SEMA3A: variants seen among roughly 807,000 people sequenced by gnomAD.
The protein encoded by SEMA3A is semaphorin 3A, also known as semaphorin-3A.
Under a neutral mutation model 97.9 loss-of-function variants are expected in SEMA3A, and 29 were observed. The ratio of observed to expected loss-of-function variants is 0.30; its 90% CI spans 0.22 to 0.40. SEMA3A has a LOEUF of 0.40. Among genes scored for constraint, SEMA3A ranks in the 10% least tolerant of loss-of-function variants. The pLI is 1.00. For missense variants in SEMA3A, 763 were observed against 951.3 expected (o/e 0.80, Z 2.60); for synonymous variants, 321 against 323.7 (o/e 0.99, Z 0.09).
rs112997989 is a variant in SEMA3A, at chr7:84,302,372, A to C, written c.-83+4835T>G. Among the ~76,000 whole-genome samples, 5 of 152,334 alleles carry C rather than the reference A, an allele frequency of 3.3e-5. 1 individual carries two copies. Among genetic ancestry groups the C allele is most frequent in the African/African-American group, 1.2e-4 (5 of 41,576 alleles). ...AAAATAGATGAAGTTTGTTTCATCT[A>C]AATTATTCCTCAATAAAGTTAATGA... On this transcript the variant is annotated intron_variant, in intron 3 of 3. Transcript: ENST00000424555.
At chr7:84,303,090 G>T (rs1218572185) in intron 3 of SEMA3A, among the ~76,000 whole-genome samples, 1 of 152,148 alleles carries the variant, frequency 6.6e-6, no homozygotes, top group Non-Finnish European at 1.5e-5. Context: ...TTTCAAAGAG[G>T]TAGGTGACAT....
intron 9 of SEMA3A, 60 bp downstream of exon 9, chr7:84,010,962 G>T: frequency 1.8e-5 from 23 of 1,279,696 alleles, no homozygotes; most frequent in Non-Finnish European, 2.5e-5. Flanking sequence ...CAAATTATGA[G>T]TACTTGGATA....
At chr7:84,093,385 TG>T (rs1794654889) in intron 4 of SEMA3A, among the ~76,000 whole-genome samples, 1 of 152,156 alleles carries the variant, frequency 6.6e-6, no homozygotes, top group African/African-American at 2.4e-5. Flanking sequence ...ACATACATAA[TG>T]GTAGACTACA....
intron 1 of SEMA3A, among the ~76,000 whole-genome samples, chr7:84,392,230 A>G (rs1803599424): frequency 1.3e-5 from 2 of 152,108 alleles, no homozygotes; most frequent in Admixed American, 1.3e-4. Flanking sequence ...TACACCTTTG[A>G]TTATCATCTC....
intron 1 of SEMA3A, among the ~76,000 whole-genome samples, chr7:84,405,300 G>C (rs1355622690): frequency 1.3e-5 from 2 of 152,136 alleles, no homozygotes; most frequent in African/African-American, 4.8e-5. Context: ...GACAAAGAAG[G>C]CCATTACATA....
intron 1 of SEMA3A, among the ~76,000 whole-genome samples, chr7:84,382,382 CAGGCG>C (rs1803282919): frequency 6.6e-6 from 1 of 151,556 alleles, no homozygotes; most frequent in African/African-American, 2.4e-5. Context: ...ACTGGGGTTA[CAGGCG>C]TGAGCCACTG....
At chr7:84,056,620 G>T (rs1243121712) in intron 5 of SEMA3A, among the ~76,000 whole-genome samples, 1 of 150,324 alleles carries the variant, frequency 6.7e-6, no homozygotes, top group Non-Finnish European at 1.5e-5. Context: ...CACACACACA[G>T]AAACACACAC....
intron 1 of SEMA3A, among the ~76,000 whole-genome samples, chr7:84,477,024 T>C (rs1232024800): frequency 6.8e-6 from 1 of 147,556 alleles, no homozygotes; most frequent in Non-Finnish European, 1.5e-5. Flanking sequence ...CTCTGTAGAG[T>C]AAAAAGCAGT....
chr7:84,006,652 C>T (rs1345984458), intron 10 of SEMA3A, among the ~76,000 whole-genome samples: 1 of 152,092 alleles, frequency 6.6e-6, no homozygotes, highest in Non-Finnish European at 1.5e-5. Flanking sequence ...CAATCTCTTG[C>T]TTTTAGTCTT....
chr7:84,284,118 A>G (rs1044124029), intron 3 of SEMA3A, among the ~76,000 whole-genome samples: 3 of 152,280 alleles, frequency 2.0e-5, no homozygotes, highest in Non-Finnish European at 2.9e-5. Flanking sequence ...AGATAGTTGT[A>G]TGATACAAGG....
chr7:83,980,623 A>AACAAAAAAAATATATATAT (rs1310318006), intron 14 of SEMA3A, among the ~76,000 whole-genome samples: 2 of 71,762 alleles, frequency 2.8e-5, no homozygotes, highest in Non-Finnish European at 4.8e-5. Flanking sequence ...AAAAAAAAAA[A>AACAAAAAAAATATATATAT]ATATATATAT....
At chr7:84,307,928 A>C in intron 2 of SEMA3A, among the ~76,000 whole-genome samples, 1 of 152,280 alleles carries the variant, frequency 6.6e-6, no homozygotes, top group South Asian at 2.1e-4. Flanking sequence ...TAGTTGAATA[A>C]ATAATGTAAA....
intron 1 of SEMA3A, among the ~76,000 whole-genome samples, chr7:84,373,627 A>G (rs561806222): frequency 8.5e-5 from 13 of 152,334 alleles, no homozygotes; most frequent in African/African-American, 3.1e-4. Context: ...CCAAATGCAG[A>G]CAGTACATCA....
intron 3 of SEMA3A, among the ~76,000 whole-genome samples, chr7:84,277,299 T>C (rs1242173723): frequency 6.6e-6 from 1 of 152,094 alleles, no homozygotes; most frequent in Non-Finnish European, 1.5e-5. Flanking sequence ...CATGGTTTAA[T>C]ATATAGATAT....
At chr7:84,131,402 A>G (rs1395535455) in intron 2 of SEMA3A, among the ~76,000 whole-genome samples, 1 of 152,048 alleles carries the variant, frequency 6.6e-6, no homozygotes, top group East Asian at 1.9e-4. Flanking sequence ...TTCATAATCT[A>G]TTTTGTACTT....
chr7:84,259,906 G>C (rs1179005536), intron 3 of SEMA3A, among the ~76,000 whole-genome samples: 1 of 152,068 alleles, frequency 6.6e-6, no homozygotes, highest in Non-Finnish European at 1.5e-5. Flanking sequence ...GCCCCTGGCT[G>C]TTCTCTGGAG....
At chr7:84,293,375 A>C (rs971669897) in intron 3 of SEMA3A, among the ~76,000 whole-genome samples, 2 of 151,940 alleles carry the variant, frequency 1.3e-5, no homozygotes, top group African/African-American at 2.4e-5. Context: ...ACTATGTCAG[A>C]GTTTCTTTCT....
chr7:84,065,674 A>G (rs982437793), intron 4 of SEMA3A, among the ~76,000 whole-genome samples: 1 of 152,136 alleles, frequency 6.6e-6, no homozygotes, highest in African/African-American at 2.4e-5. Flanking sequence ...ATCTAGAAGC[A>G]ATGGATAAAT....
At chr7:84,043,275 A>G (rs1792215554) in intron 6 of SEMA3A, among the ~76,000 whole-genome samples, 1 of 152,078 alleles carries the variant, frequency 6.6e-6, no homozygotes, top group African/African-American at 2.4e-5. Context: ...AACTGAATTT[A>G]AACATTTATT....
Sources: allele counts gnomAD v4.1 joint callset (sites outside exome capture counted in the v4.1 genomes callset), GRCh38; gene constraint gnomAD v4.1.1; transcripts MANE v1.5; gene names NCBI Gene and HGNC (gene_info 2026-07-23, HGNC 2026-07-21).